Variants in PBX4 observed in about 807,000 individuals in gnomAD.
PBX4 encodes PBX homeobox 4.
Under a neutral mutation model 35.1 loss-of-function variants are expected in PBX4, and 26 were observed. The observed-to-expected ratio is 0.74, with a 90% CI of 0.54 to 1.03. PBX4 has a LOEUF of 1.03. Ranked by LOEUF, PBX4 falls within the 50% of genes least tolerant of loss-of-function variation. The pLI, the probability that PBX4 is intolerant of heterozygous loss-of-function variation, is 0.00. For missense variants in PBX4, 448 were observed against 504.3 expected (o/e 0.89, Z 1.07); for synonymous variants, 199 against 204.2 (o/e 0.97, Z 0.22).
chr19:19,594,084 TAAAA>T (rs1173832310), intron 2 of PBX4, among the ~76,000 whole-genome samples: 2 of 129,820 alleles, frequency 1.5e-5, no homozygotes, highest in East Asian at 4.3e-4. Flanking sequence ...GTGTCTTAAT[TAAAA>T]AAAAAAAAAA....
intron 1 of PBX4, among the ~76,000 whole-genome samples, chr19:19,606,005 C>T (rs140444678): frequency 6.6e-6 from 1 of 152,130 alleles, no homozygotes; most frequent in African/African-American, 2.4e-5. Context: ...TTTGAGCTAG[C>T]AGTGATCAAG....
At chr19:19,575,106 G>A (rs575453480) in intron 2 of PBX4, among the ~76,000 whole-genome samples, 43 of 152,106 alleles carry the variant, frequency 2.8e-4, no homozygotes, top group Middle Eastern at 6.8e-3. Flanking sequence ...GCGTGGTGGC[G>A]GGTGCCTGTA....
At chr19:19,568,022 C>G (rs916161854) in intron 5 of PBX4, among the ~76,000 whole-genome samples, 4 of 147,800 alleles carry the variant, frequency 2.7e-5, no homozygotes, top group Non-Finnish European at 4.5e-5. Flanking sequence ...GGAACTCACA[C>G]TCCATCTTTA....
At chr19:19,607,552 A>C (rs76497319) in intron 1 of PBX4, among the ~76,000 whole-genome samples, 2,251 of 152,350 alleles carry the variant, frequency 0.015, 76 homozygotes, top group South Asian at 0.071. Context: ...TCATATAGAA[A>C]ATGCCAGAAA....
Position 19,570,278 on chromosome 19 carries a change from G to A in PBX4, c.463C>T (p.His155Tyr). 2 of 1,610,488 alleles carry A rather than the reference G, an allele frequency of 1.2e-6. No homozygotes were observed. Among genetic ancestry groups the A allele is most frequent in the South Asian group, 1.1e-5 (1 of 90,696 alleles). ...YEQACREFTT[H>Y]VTNLLQEQSR... The stretch of plus-strand genomic sequence containing the variant: ...TGCTCCTGGAGGAGGTTGGTGACGT[G>A]CGTGGTGAACTCACGACAGGCCTGG... The change falls in exon 4 of 8, where the codon CAC becomes TAC. Residue 155 changes from histidine to tyrosine, a missense_variant. By Grantham distance (83) the His-to-Tyr change is moderately conservative (BLOSUM62 2). Coordinates refer to ENST00000251203, the MANE Select transcript of PBX4 (RefSeq NM_025245.3).
chr19:19,618,100 G>T (rs1383161005), intron 1 of PBX4, among the ~76,000 whole-genome samples: 1 of 152,102 alleles, frequency 6.6e-6, no homozygotes, highest in African/African-American at 2.4e-5. Flanking sequence ...GGTGGATGCT[G>T]CAGTGAGCCA....
chr19:19,572,350 G>T (rs1473733160), intron 2 of PBX4, among the ~76,000 whole-genome samples: 5 of 151,692 alleles, frequency 3.3e-5, no homozygotes, highest in Non-Finnish European at 5.9e-5. Flanking sequence ...TGGGATTACA[G>T]GCATGACCCA....
At chr19:19,605,258 A>G (rs1234087784) in intron 1 of PBX4, among the ~76,000 whole-genome samples, 1 of 151,004 alleles carries the variant, frequency 6.6e-6, no homozygotes, top group Admixed American at 6.6e-5. Context: ...TCTACTAAAA[A>G]TACAAAATTC....
At chr19:19,585,759 C>T (rs771295872) in intron 2 of PBX4, among the ~76,000 whole-genome samples, 2 of 152,026 alleles carry the variant, frequency 1.3e-5, no homozygotes, top group Non-Finnish European at 2.9e-5. Flanking sequence ...TAATTCTTTC[C>T]ACCCTTGAGA....
chr19:19,590,712 C>T (rs1259293892), intron 2 of PBX4, among the ~76,000 whole-genome samples: 1 of 152,058 alleles, frequency 6.6e-6, no homozygotes, highest in Non-Finnish European at 1.5e-5. Context: ...CAAATGATCC[C>T]CCCACCTTGG....
At chr19:19,590,460 T>C (rs1247892685) in intron 2 of PBX4, among the ~76,000 whole-genome samples, 2 of 151,854 alleles carry the variant, frequency 1.3e-5, no homozygotes, top group African/African-American at 4.8e-5. Flanking sequence ...CGTTTTGTTT[T>C]GTTTTCTTTC....
chr19:19,585,116 C>T (rs1042355594), intron 2 of PBX4, among the ~76,000 whole-genome samples: 3 of 151,930 alleles, frequency 2.0e-5, no homozygotes, highest in Non-Finnish European at 4.4e-5. Flanking sequence ...TTGTTCTGTT[C>T]TCTGAGGCAG....
chr19:19,568,030 T>G (rs1427391129), intron 5 of PBX4, among the ~76,000 whole-genome samples: 4 of 139,050 alleles, frequency 2.9e-5, no homozygotes, highest in South Asian at 2.4e-4. Flanking sequence ...CACTCCATCT[T>G]TATCCCTCAG....
At chr19:19,600,873 C>A (rs2144773899) in intron 1 of PBX4, among the ~76,000 whole-genome samples, 1 of 150,302 alleles carries the variant, frequency 6.7e-6, no homozygotes, top group East Asian at 2.0e-4. Flanking sequence ...CAAGGTCCAA[C>A]AACTTGAAAT....
At chr19:19,609,057 ACTGT>A (rs760244833) in intron 1 of PBX4, among the ~76,000 whole-genome samples, 6 of 152,142 alleles carry the variant, frequency 3.9e-5, no homozygotes, top group Non-Finnish European at 1.5e-5. Flanking sequence ...CCCGAGCCTG[ACTGT>A]CTGATCTCCC....
intron 2 of PBX4, among the ~76,000 whole-genome samples, chr19:19,587,154 G>A (rs1056781755): frequency 8.6e-5 from 13 of 151,356 alleles, no homozygotes; most frequent in Admixed American, 2.6e-4. Flanking sequence ...ACAGGCACCC[G>A]CCACCCCACC....
intron 2 of PBX4, among the ~76,000 whole-genome samples, chr19:19,575,719 C>T (rs1235299975): frequency 6.6e-6 from 1 of 152,180 alleles, no homozygotes; most frequent in African/African-American, 2.4e-5. Context: ...GAAACCCAGC[C>T]TCTAACATCC....
chr19:19,609,549 G>GAAA (rs11300224), intron 1 of PBX4, among the ~76,000 whole-genome samples: 5,867 of 84,882 alleles, frequency 0.069, 318 homozygotes, highest in East Asian at 0.24. Flanking sequence ...AAATCCATAT[G>GAAA]AAAAAAAAAA....
chr19:19,589,995 A>T (rs1046098458), intron 2 of PBX4, among the ~76,000 whole-genome samples: 1 of 152,220 alleles, frequency 6.6e-6, no homozygotes, highest in Non-Finnish European at 1.5e-5. Context: ...GTGTATGTGC[A>T]CTAAGGCCTT....
Sources: allele counts gnomAD v4.1 joint callset (sites outside exome capture counted in the v4.1 genomes callset), GRCh38; gene constraint gnomAD v4.1.1; transcripts MANE v1.5; gene names NCBI Gene and HGNC (gene_info 2026-07-23, HGNC 2026-07-21).